Variants in FOXP2 observed in about 807,000 individuals in gnomAD.
FOXP2 encodes the protein forkhead box protein P2.
Under a neutral mutation model 115.8 loss-of-function variants are expected in FOXP2, and 12 were observed. The observed-to-expected ratio is 0.10, with a 90% CI of 0.07 to 0.17. The LOEUF is 0.17. Among genes scored for constraint, FOXP2 ranks in the 10% least tolerant of loss-of-function variants. The pLI, the probability that FOXP2 is intolerant of heterozygous loss-of-function variation, is 1.00. For missense variants in FOXP2, 629 were observed against 843.5 expected (o/e 0.75, Z 3.15); for synonymous variants, 328 against 297.7 (o/e 1.10, Z -1.05).
intron 3 of FOXP2, among the ~76,000 whole-genome samples, chr7:114,586,383 G>A (rs1016788998): frequency 6.6e-6 from 1 of 152,000 alleles, no homozygotes; most frequent in African/African-American, 2.4e-5. Flanking sequence ...AATATTTACT[G>A]TAATGTGATT....
chr7:114,639,325 A>C lies in FOXP2; in HGVS notation c.776-3085A>C, dbSNP rs557794204. Among the ~76,000 whole-genome samples, 4 of 152,298 alleles carry C rather than the reference A, an allele frequency of 2.6e-5. No individual in the cohort carries two copies. In the South Asian group the frequency reaches 6.2e-4, roughly 24 times the overall value. On this transcript the variant is annotated intron_variant, in intron 6 of 16. Transcript: ENST00000350908. ...GCACCAACATGTCTTCAAGAAATGT[A>C]TGACTCTATTATAATCAATGGAATC... is the stretch of plus-strand genomic sequence containing the variant.
chr7:114,477,389 C>T (rs1280582734), intron 2 of FOXP2, among the ~76,000 whole-genome samples: 1 of 151,930 alleles, frequency 6.6e-6, no homozygotes, highest in Non-Finnish European at 1.5e-5. Flanking sequence ...TAGTCCTAAG[C>T]AAATTAACAC....
chr7:114,302,281 C>T (rs116234842), intron 2 of FOXP2, among the ~76,000 whole-genome samples: 11 of 152,046 alleles, frequency 7.2e-5, no homozygotes, highest in Non-Finnish European at 1.2e-4. Context: ...ACCATATACA[C>T]CTTTATAGTC....
chr7:114,667,370 A>G (rs567225302), intron 16 of FOXP2: 15 of 152,332 alleles, frequency 9.8e-5, no homozygotes, highest in Middle Eastern at 3.4e-3. Flanking sequence ...TCGAGGTTAC[A>G]GTAAGCTATG....
chr7:114,087,673 G>A (rs560497076), upstream of FOXP2: 229 of 148,618 alleles, frequency 1.5e-3, 2 homozygotes, highest in African/African-American at 5.4e-3. Flanking sequence ...GGGTGGCCGC[G>A]CGCGCCACCC....
intron 1 of FOXP2, among the ~76,000 whole-genome samples, chr7:114,207,680 C>T (rs1056734472): frequency 2.0e-5 from 3 of 152,028 alleles, no homozygotes; most frequent in African/African-American, 4.8e-5. Context: ...TATTTCCTAG[C>T]CTCAAATCTT....
intron 1 of FOXP2, among the ~76,000 whole-genome samples, chr7:114,099,084 G>A (rs1218566608): frequency 3.3e-5 from 5 of 152,110 alleles, no homozygotes; most frequent in African/African-American, 1.2e-4. Context: ...GCAGTGAACT[G>A]TGATTAGCCC....
At chr7:114,542,690 T>C (rs1664228441) in intron 3 of FOXP2, among the ~76,000 whole-genome samples, 1 of 152,188 alleles carries the variant, frequency 6.6e-6, no homozygotes, top group South Asian at 2.1e-4. Context: ...CATCTAAGAT[T>C]GTGCTGATTG....
chr7:114,113,085 A>G (rs1366101560), intron 1 of FOXP2, among the ~76,000 whole-genome samples: 1 of 152,210 alleles, frequency 6.6e-6, no homozygotes, highest in Non-Finnish European at 1.5e-5. Flanking sequence ...AGATTGCTGT[A>G]AGAACAAGAA....
At chr7:114,203,906 C>T (rs1425245897) in intron 1 of FOXP2, among the ~76,000 whole-genome samples, 1 of 152,110 alleles carries the variant, frequency 6.6e-6, no homozygotes, top group Non-Finnish European at 1.5e-5. Context: ...TGGAATTAAT[C>T]ACTGCCATGG....
chr7:114,473,154 C>T (rs1285250451), intron 2 of FOXP2, among the ~76,000 whole-genome samples: 5 of 152,116 alleles, frequency 3.3e-5, no homozygotes, highest in Non-Finnish European at 4.4e-5. Context: ...CATACCTATT[C>T]GATATCTCTT....
At chr7:114,217,255 C>G (rs1794508112) in intron 1 of FOXP2, among the ~76,000 whole-genome samples, 1 of 152,138 alleles carries the variant, frequency 6.6e-6, no homozygotes, top group Non-Finnish European at 1.5e-5. Flanking sequence ...GCATTTATTT[C>G]CTGTCATGGT....
intron 1 of FOXP2, among the ~76,000 whole-genome samples, chr7:114,416,732 A>G (rs965984234): frequency 6.6e-6 from 1 of 152,066 alleles, no homozygotes; most frequent in South Asian, 2.1e-4. Context: ...CTTCTGCTGT[A>G]CAAGTTTGGA....
chr7:114,138,517 G>A (rs551101805), intron 1 of FOXP2, among the ~76,000 whole-genome samples: 13 of 150,998 alleles, frequency 8.6e-5, no homozygotes, highest in African/African-American at 2.7e-4. Flanking sequence ...TCAGCCTCCC[G>A]AGTAGCTGGG....
chr7:114,498,979 TG>T, intron 2 of FOXP2: 1 of 716,864 alleles, frequency 1.4e-6, no homozygotes, highest in Non-Finnish European at 2.6e-6. Context: ...GTGTGAGTCC[TG>T]GACCAGCAGC....
chr7:114,158,440 T>C (rs1252627345), upstream of FOXP2, among the ~76,000 whole-genome samples: 1 of 151,998 alleles, frequency 6.6e-6, no homozygotes, highest in Admixed American at 6.6e-5. Context: ...TGCACACACA[T>C]AATGATTTAC....
intron 2 of FOXP2, among the ~76,000 whole-genome samples, chr7:114,450,196 C>A (rs1168196814): frequency 6.6e-6 from 1 of 152,114 alleles, no homozygotes; most frequent in African/African-American, 2.4e-5. Context: ...TACACTTAAC[C>A]AAAAACATAT....
At chr7:114,388,611 T>G (rs569809543) in intron 2 of FOXP2, among the ~76,000 whole-genome samples, 4 of 152,240 alleles carry the variant, frequency 2.6e-5, no homozygotes, top group African/African-American at 7.2e-5. Context: ...ATTTTAGAAT[T>G]TATAAGATCA....
chr7:114,515,046 CTCA>C (rs1798263174), intron 2 of FOXP2, among the ~76,000 whole-genome samples: 1 of 151,214 alleles, frequency 6.6e-6, no homozygotes, highest in Admixed American at 6.6e-5. Context: ...AGGACATGAA[CTCA>C]TCATTTTTTA....
Sources: gnomAD v4.1 joint callset for allele counts (sites outside exome capture counted in the v4.1 genomes callset) on GRCh38, gnomAD v4.1.1 for gene constraint, MANE v1.5 for transcripts, NCBI Gene and HGNC (gene_info 2026-07-23, HGNC 2026-07-21) for gene names.